HIC2: variants seen among roughly 807,000 people sequenced by gnomAD.
HIC2 encodes the protein HIC ZBTB transcriptional repressor 2, also known as hypermethylated in cancer 2 protein.
A neutral mutation model predicts 39.5 loss-of-function variants in HIC2; 2 were observed. The ratio of observed to expected loss-of-function variants is 0.05; its 90% CI spans 0.02 to 0.16. HIC2 has a LOEUF of 0.16. Ranked by LOEUF, HIC2 falls within the 10% of genes least tolerant of loss-of-function variation. The pLI, the probability that HIC2 is intolerant of heterozygous loss-of-function variation, is 1.00. For synonymous variants in HIC2, 399 were observed against 368.8 expected (o/e 1.08, Z -0.94); for missense variants, 713 against 863.5 (o/e 0.83, Z 2.18).
Position 21,445,702 on chromosome 22 carries a change from C to T in HIC2, c.807C>T (p.Asp269=), listed in dbSNP as rs565824599. 1.8e-5 allele frequency: 29 copies of T among 1,612,174 alleles called. No individual in the cohort carries two copies. The highest frequency in any genetic ancestry group is 3.3e-4 in the Middle Eastern group (2 of 6,054). Residue 269 remains aspartate (D), a synonymous_variant, in exon 3 of 3, where the codon GAC becomes GAT. Transcript: ENST00000407464. The part of the protein sequence containing the change: ...ATPGPHLTPD[D]AAQLSDSQHG... ...CAGGTCCCCACCTCACTCCCGATGA[C>T]GCAGCCCAGCTGAGCGACAGCCAAC...
chr22:21,446,271 C>T lies in HIC2; in HGVS notation c.1376C>T (p.Ala459Val), dbSNP rs753116016. ...KGFPSSEQLNAHVETHTEEEL... is the reference protein window; with the variant it reads ...KGFPSSEQLNVHVETHTEEEL... ...TTCCCCAGCTCTGAGCAGCTCAATG[C>T]GCACGTGGAGACTCACACGGAGGAA... The change falls in exon 3 of 3, where the codon GCG (alanine) becomes GTG (valine). Residue 459 changes from alanine (A) to valine (V), a missense_variant. Around this residue, in one of 5 missense-constraint regions of HIC2, gnomAD observed 11 missense variants for 28.3 expected, o/e 0.39. Coordinates refer to ENST00000407464, the MANE Select transcript of HIC2 (RefSeq NM_015094.3). 1.7e-5 allele frequency: 27 copies of T among 1,613,200 alleles called. No homozygotes were observed. Among genetic ancestry groups the T allele is most frequent in the Middle Eastern group, 1.6e-4 (1 of 6,084 alleles).
chr22:21,450,196 A>C lies in HIC2; in HGVS notation c.*3453A>C, dbSNP rs1353871059. ...CTCCGCCACTGCATGCTCCCGCCGG[A>C]CCGAGCCCCAGCAAGGGCTCCTCCA... On this transcript the variant is annotated 3_prime_UTR_variant, in exon 3 of 3. Coordinates refer to ENST00000407464, the MANE Select transcript of HIC2 (RefSeq NM_015094.3). 6.6e-6 allele frequency: 1 copy of C among 152,026 alleles called. No homozygotes were observed. Among genetic ancestry groups the C allele is most frequent in the African/African-American group, 2.4e-5 (1 of 41,172 alleles). The allele number at this position is 152,026 out of a possible 1,614,324, so 9.4% of individuals were successfully genotyped here.
At position 21,445,783 on chromosome 22, in the gene HIC2, T is replaced by C. The variant is rs1412762010; in HGVS notation, c.888T>C (p.Ser296=). 6.2e-7 allele frequency: 1 copy of C among 1,602,230 alleles called. No homozygotes were observed. Residue 296 remains serine (S), a synonymous_variant, in exon 3 of 3, where the codon TCT becomes TCC. Transcript: ENST00000407464. ...APPVANSASY[S]ELGGTPDEPM... The stretch of plus-strand genomic sequence containing the variant: ...CCGTTGCCAACAGTGCCTCTTATTC[T>C]GAGCTGGGGGGCACCCCTGATGAGC...
intron 2 of HIC2, 117 bp from the exon 3 acceptor site, chr22:21,444,805 C>T: frequency 8.7e-7 from 1 of 1,149,038 alleles, no homozygotes; most frequent in Non-Finnish European, 1.2e-6. Context: ...GCAGGGGCTC[C>T]TGCCCTATGT....
At position 21,445,573 on chromosome 22, in the gene HIC2, T is replaced by C. The variant is rs771934624; in HGVS notation, c.678T>C (p.Gly226=). ...TCTGCCCAGCTGGCGGGGAGGCGGG[T>C]CTGGGGGGCTGCAGCAGCAGCACCA... is the stretch of plus-strand genomic sequence containing the variant. ...RAVCPAGGEA[G]LGGCSSSTNG... is the part of the protein sequence containing the mutation. The change falls in exon 3 of 3, where the codon GGT becomes GGC. Residue 226 remains glycine (G), a synonymous_variant. Transcript: ENST00000407464. 1 of 1,586,920 alleles carries C rather than the reference T, an allele frequency of 6.3e-7. No homozygotes were observed. The highest frequency in any genetic ancestry group is 8.6e-7 in the Non-Finnish European group (1 of 1,168,206).
At chr22:21,443,273 T>A (rs1923619678) in intron 2 of HIC2, among the ~76,000 whole-genome samples, 1 of 152,202 alleles carries the variant, frequency 6.6e-6, no homozygotes, top group Non-Finnish European at 1.5e-5. Flanking sequence ...GCTTGCTGCC[T>A]CTTGCTGTTA....
rs557095096 is a variant in HIC2 at position 21,445,902 on chromosome 22, A to G, written c.1007A>G (p.Lys336Arg). Reference protein sequence around the residue: ...PRKSLRHSTRKKEWGKKEPVA... With the variant: ...PRKSLRHSTRRKEWGKKEPVA... Reference sequence around the variant, plus strand: ...AAGAGCCTCCGGCACTCCACTCGGAAGAAGGAGTGGGGCAAGAAGGAGCCT... The same window carrying G: ...AAGAGCCTCCGGCACTCCACTCGGAGGAAGGAGTGGGGCAAGAAGGAGCCT... Residue 336 changes from lysine to arginine, a missense_variant, in exon 3 of 3, where the codon AAG becomes AGG. Coordinates refer to ENST00000407464, the MANE Select transcript of HIC2 (RefSeq NM_015094.3). The G allele has an allele frequency of 6.2e-7, 1 of 1,601,008 alleles. No individual in the cohort carries two copies. Among genetic ancestry groups the G allele is most frequent in the African/African-American group, 1.3e-5 (1 of 74,336 alleles).
In HIC2 at chr22:21,448,940, A is replaced by G. The variant is rs1924014721; in HGVS notation, c.*2197A>G. 1 of 152,776 alleles carries G rather than the reference A, an allele frequency of 6.5e-6. No individual in the cohort carries two copies. The highest frequency in any genetic ancestry group is 1.5e-5 in the Non-Finnish European group (1 of 68,042). 9.5% of individuals were successfully genotyped at this position (152,776 alleles called of 1,614,324 possible). A position where few individuals can be genotyped will look rare whatever the true frequency, so the allele number is the denominator to read the frequency against. ...TGACACAAAGTCTGTACCGCACGGG[A>G]AATGTTCACGCGCCTGGCCGTGTGC... is the stretch of plus-strand genomic sequence containing the variant. On this transcript the variant is annotated 3_prime_UTR_variant, in exon 3 of 3. Transcript: ENST00000407464.
chr22:21,445,524 G>A lies in HIC2; in HGVS notation c.629G>A (p.Ser210Asn). 2 of 1,600,632 alleles carry A rather than the reference G, an allele frequency of 1.2e-6. No homozygotes were observed. Among genetic ancestry groups the A allele is most frequent in the Non-Finnish European group, 1.7e-6 (2 of 1,175,326 alleles). ...ELFLGGSNQD[S>N]VQGLGRAVCP... ...TTTCTTGGTGGCTCTAACCAGGATA[G>A]CGTGCAAGGTCTGGGCCGGGCTGTC... Residue 210 changes from serine to asparagine, a missense_variant, in exon 3 of 3, where the codon AGC (serine) becomes AAC (asparagine). By Grantham distance (46) the Ser-to-Asn change is conservative. Coordinates refer to ENST00000407464, the MANE Select transcript of HIC2 (RefSeq NM_015094.3).
In HIC2 at chr22:21,445,876, G is replaced by T; in HGVS notation, c.981G>T (p.Arg327=). The change falls in exon 3 of 3, where the codon CGG becomes CGT. Residue 327 remains arginine (R), a synonymous_variant. Transcript: ENST00000407464. ...TGGAGGCGCCTGGTGGGCAGCCTCGGAAGAGCCTCCGGCACTCCACTCGGA... is the reference window on the plus strand; with the variant it reads ...TGGAGGCGCCTGGTGGGCAGCCTCGTAAGAGCCTCCGGCACTCCACTCGGA... The part of the protein sequence containing the change: ...SLLEAPGGQP[R]KSLRHSTRKK... The T allele has an allele frequency of 6.3e-7, 1 of 1,599,476 alleles. No individual in the cohort carries two copies. The highest frequency in any genetic ancestry group is 8.5e-7 in the Non-Finnish European group (1 of 1,173,778).
Position 21,445,869 on chromosome 22 carries a change from A to G in HIC2, c.974A>G (p.Gln325Arg). The part of the protein sequence containing the change: ...HLSLLEAPGG[Q>R]PRKSLRHSTR... ...AGCCTGCTGGAGGCGCCTGGTGGGC[A>G]GCCTCGGAAGAGCCTCCGGCACTCC... is the stretch of plus-strand genomic sequence containing the variant. The change falls in exon 3 of 3, where the codon CAG becomes CGG. Residue 325 changes from glutamine to arginine, a missense_variant. Gln to Arg is a conservative substitution (Grantham distance 43). Around this residue, in one of 5 missense-constraint regions of HIC2, gnomAD observed 457 missense variants for 420.2 expected, o/e 1.09. Coordinates refer to ENST00000407464, the MANE Select transcript of HIC2 (RefSeq NM_015094.3). The G allele has an allele frequency of 6.3e-7, 1 of 1,596,990 alleles. No homozygotes were observed. The highest frequency in any genetic ancestry group is 1.8e-5 in the Admixed American group (1 of 56,618).
In HIC2 at chr22:21,447,817, T is replaced by C. The variant is rs958636299; in HGVS notation, c.*1074T>C. On this transcript the variant is annotated 3_prime_UTR_variant, in exon 3 of 3. Coordinates refer to ENST00000407464, the MANE Select transcript of HIC2 (RefSeq NM_015094.3). ...GTGTATGTGCGTATGTGTGTGTCTA[T>C]GTGTGGTGTGTGCCGTATGCATGGG... 1 of 151,322 alleles carries C rather than the reference T, an allele frequency of 6.6e-6. No individual in the cohort carries two copies. Among genetic ancestry groups the C allele is most frequent in the African/African-American group, 2.5e-5 (1 of 40,792 alleles). The allele number at this position is 151,322 out of a possible 1,614,324, so 9.4% of individuals were successfully genotyped here.
chr22:21,448,260 C>T lies in HIC2; in HGVS notation c.*1517C>T, dbSNP rs1308067856. 1 of 152,634 alleles carries T rather than the reference C, an allele frequency of 6.6e-6. No homozygotes were observed. Among genetic ancestry groups the T allele is most frequent in the Non-Finnish European group, 1.5e-5 (1 of 68,060 alleles). 9.5% of individuals were successfully genotyped at this position (152,634 alleles called of 1,614,324 possible). On this transcript the variant is annotated 3_prime_UTR_variant, in exon 3 of 3. Transcript: ENST00000407464. ...GCCCTCATCCTGCCACTCCTATCCTCCATTCCTGCAAGAGTTTTAAGCTTG... is the reference window on the plus strand; with the variant it reads ...GCCCTCATCCTGCCACTCCTATCCTTCATTCCTGCAAGAGTTTTAAGCTTG...
In HIC2 at chr22:21,446,969, A is replaced by C; in HGVS notation, c.*226A>C. On this transcript the variant is annotated 3_prime_UTR_variant, in exon 3 of 3. Transcript: ENST00000407464. ...CCCAGCCCGTCTACCTCCCCATCCC[A>C]CCCAGGCCCCCAGCTCCCCGCGGGG... 5 of 605,844 alleles carry C rather than the reference A, an allele frequency of 8.3e-6. No individual in the cohort carries two copies. Among genetic ancestry groups the C allele is most frequent in the Non-Finnish European group, 1.1e-5 (4 of 366,972 alleles). The allele number at this position is 605,844 out of a possible 1,614,324, so 37.5% of individuals were successfully genotyped here.
intron 2 of HIC2, among the ~76,000 whole-genome samples, 184 bp downstream of exon 2, chr22:21,443,041 G>GT (rs1210730605): frequency 1.3e-5 from 2 of 152,210 alleles, no homozygotes; most frequent in Non-Finnish European, 2.9e-5. Flanking sequence ...CAGTCTCGGG[G>GT]TACCAGGTGT....
Position 21,447,520 on chromosome 22 carries a change from C to T in HIC2, c.*777C>T, listed in dbSNP as rs979399689. The T allele has an allele frequency of 6.6e-6, 1 of 152,666 alleles. No homozygotes were observed. Among genetic ancestry groups the T allele is most frequent in the South Asian group, 2.1e-4 (1 of 4,834 alleles). 9.5% of individuals were successfully genotyped at this position (152,666 alleles called of 1,614,324 possible). On this transcript the variant is annotated 3_prime_UTR_variant, in exon 3 of 3. Coordinates refer to ENST00000407464, the MANE Select transcript of HIC2 (RefSeq NM_015094.3). ...CTGCAGGGGTGTCGGCGCGCCACCT[C>T]TCCAGGCCCCAGAAGCCCTTCTTGC...
Position 21,446,940 on chromosome 22 carries a change from G to A in HIC2, c.*197G>A. 1 of 790,226 alleles carries A rather than the reference G, an allele frequency of 1.3e-6. No individual in the cohort carries two copies. The highest frequency in any genetic ancestry group is 2.8e-5 in the East Asian group (1 of 35,634). 49.0% of individuals were successfully genotyped at this position (790,226 alleles called of 1,614,324 possible). ...GCAGAGCCGAGAGGAGGGAAGCCAG[G>A]GGTCCCAGCCCGTCTACCTCCCCAT... On this transcript the variant is annotated 3_prime_UTR_variant, in exon 3 of 3. Transcript: ENST00000407464.
rs1245629011 is a variant in HIC2 at position 21,445,370 on chromosome 22, C to T, written c.475C>T (p.Pro159Ser). The T allele has an allele frequency of 3.9e-6, 6 of 1,555,148 alleles. No homozygotes were observed. The highest frequency in any genetic ancestry group is 2.7e-5 in the African/African-American group (2 of 73,480). The stretch of plus-strand genomic sequence containing the variant: ...GGCGGGGTCCACTGGCATGGGGCGG[C>T]CCCCCCGCAGCCAGCGGCTGTCCAC... ...GRAGSTGMGR[P>S]PRSQRLSTAS... The change falls in exon 3 of 3, where the codon CCC (proline) becomes TCC (serine). Residue 159 changes from proline to serine, a missense_variant. Physicochemically the swap from Pro to Ser is moderately conservative, Grantham distance 74. This residue lies in a region of HIC2 where 457 missense variants were observed against 420.2 expected (regional missense o/e 1.09). Transcript: ENST00000407464.
chr22:21,446,426 G>A lies in HIC2; in HGVS notation c.1531G>A (p.Glu511Lys), dbSNP rs769118387. 9 of 1,611,992 alleles carry A rather than the reference G, an allele frequency of 5.6e-6. No individual in the cohort carries two copies. The highest frequency in any genetic ancestry group is 3.3e-5 in the Admixed American group (2 of 60,030). ...CCGGCCCTTCAAGTGTTCGGTCTGC[G>A]AGAAGACCTACAAGGACCCAGCCAC... ...EPRPFKCSVC[E>K]KTYKDPATLR... Residue 511 changes from glutamate (E) to lysine (K), a missense_variant, in exon 3 of 3, where the codon GAG (glutamate) becomes AAG (lysine). Glu to Lys is a moderately conservative substitution (Grantham distance 56). Coordinates refer to ENST00000407464, the MANE Select transcript of HIC2 (RefSeq NM_015094.3).
Sources: gnomAD v4.1 joint callset for allele counts (sites outside exome capture counted in the v4.1 genomes callset) on GRCh38, gnomAD v4.1.1 for gene constraint, gnomAD v4.1.1 regional missense constraint, MANE v1.5 for transcripts, NCBI Gene and HGNC (gene_info 2026-07-23, HGNC 2026-07-21) for gene names.